CYP2S1: variants seen among roughly 807,000 people sequenced by gnomAD.
CYP2S1 encodes cytochrome P450 family 2 subfamily S member 1, also known as cytochrome P450 2S1.
Under a neutral mutation model 43.5 loss-of-function variants are expected in CYP2S1, and 32 were observed. The ratio of observed to expected loss-of-function variants is 0.74; its 90% confidence interval spans 0.56 to 0.99. CYP2S1 has a LOEUF of 0.99. Among genes scored for constraint, CYP2S1 ranks in the 50% least tolerant of loss-of-function variants. CYP2S1 has a pLI of 0.00. For missense variants in CYP2S1, 575 were observed against 673.9 expected, an observed-to-expected ratio of 0.85 and a Z score of 1.62; for synonymous variants, 283 against 302.9, an observed-to-expected ratio of 0.93 and a Z score of 0.68.
rs531321060 is a variant in CYP2S1, at chr19:41,196,086, G to T, written c.343+1377G>T. 5.5e-4 allele frequency among the ~76,000 whole-genome samples: 84 copies of T among 152,140 alleles called. No individual in the cohort carries two copies. In the South Asian group the frequency reaches 7.7e-3, roughly 14 times the overall value. On this transcript the variant is annotated intron_variant, in intron 2 of 8. Transcript: ENST00000310054. ...AAACACAGGGCACAGGCATATGTAC[G>T]AGGGTAAAGAGGGAATCAGGGAAGG... is the stretch of plus-strand genomic sequence containing the variant.
chr19:41,193,319 C>T lies in CYP2S1; in HGVS notation c.55C>T (p.Leu19=). Residue 19 remains leucine, a synonymous_variant, in exon 1 of 9, where the codon CTG becomes TTG. Transcript: ENST00000310054. ...GCTGGCGCTGGCGCTGCTCCTGCTG[C>T]TGACGCTGGCGCTGTCCGGGACCAG... ...LLLALALLLL[L]TLALSGTRAR... 1.3e-6 allele frequency: 2 copies of T among 1,541,718 alleles called. No homozygotes were observed. Among genetic ancestry groups the T allele is most frequent in the Non-Finnish European group, 1.7e-6 (2 of 1,144,066 alleles).
chr19:41,198,942 G>A lies in CYP2S1; in HGVS notation c.834+54G>A. 1 of 1,557,664 alleles carries A rather than the reference G, an allele frequency of 6.4e-7. No homozygotes were observed. Among genetic ancestry groups the A allele is most frequent in the South Asian group, 1.2e-5 (1 of 83,966 alleles). On this transcript the variant is annotated intron_variant, in intron 5 of 8. Transcript: ENST00000310054. The surrounding 1 kb of genome is among the most constrained non-coding windows in gnomAD (Gnocchi z 4.9). ...CTGAATGGGCGTGGTGACCTGGCAG[G>A]TCCCCAGCCAGGTGTCCCTGGGGAC...
intron 1 of CYP2S1, among the ~76,000 whole-genome samples, chr19:41,193,986 T>C (rs1487082470): frequency 6.6e-6 from 1 of 151,900 alleles, no homozygotes; most frequent in Non-Finnish European, 1.5e-5. Context: ...TGGGAGTTCC[T>C]GGGACTGGGG....
Position 41,199,548 on chromosome 19 carries a change from AT to A in CYP2S1, c.834+672del, listed in dbSNP as rs557331377. On this transcript the variant is annotated intron_variant, in intron 5 of 8. Transcript: ENST00000310054. ...GGTGTGCACCACCACACCTGGCTAAATTTTTTTTTTTTCTTTGTAGAGATAG... is the reference window on the plus strand; with the variant it reads ...GGTGTGCACCACCACACCTGGCTAAATTTTTTTTTTTCTTTGTAGAGATAG... Among the ~76,000 whole-genome samples, 356 of 146,718 alleles carry A rather than the reference AT, an allele frequency of 2.4e-3. 1 individual carries two copies. The highest frequency in any genetic ancestry group is 7.5e-3 in the African/African-American group (299 of 40,102).
chr19:41,193,607 G>A, intron 1 of CYP2S1, 166 bp downstream of exon 1: 9 of 1,295,308 alleles, frequency 6.9e-6, no homozygotes, highest in Non-Finnish European at 8.8e-6. Flanking sequence ...GGAGCAGGTT[G>A]TCCAGGGCTG....
Position 41,197,802 on chromosome 19 carries a change from C to T in CYP2S1, c.367C>T (p.Arg123Trp), listed in dbSNP as rs752402676. 9.3e-6 allele frequency: 15 copies of T among 1,613,868 alleles called. No homozygotes were observed. The Middle Eastern group carries it at 4.9e-4, about 53-fold the overall frequency. ...AGGGGTTTTCTTCTCCAACGGGGAG[C>T]GGTGGAGGCAGCTGAGGAAGTTTAC... ...GHGVFFSNGE[R>W]WRQLRKFTML... The change falls in exon 3 of 9, where the codon CGG (arginine) becomes TGG (tryptophan). Residue 123 changes from arginine (R) to tryptophan (W), a missense_variant. Transcript: ENST00000310054.
intron 5 of CYP2S1, among the ~76,000 whole-genome samples, chr19:41,200,944 G>C (rs1009891233): frequency 6.6e-6 from 1 of 152,052 alleles, no homozygotes; most frequent in Non-Finnish European, 1.5e-5. Context: ...CAGGCATGGT[G>C]GTGCGCACCT....
rs202041018 is a variant in CYP2S1, at chr19:41,193,277, G to C, written c.13G>C (p.Gly5Arg). 6.5e-7 allele frequency: 1 copy of C among 1,540,428 alleles called. No individual in the cohort carries two copies. The highest frequency in any genetic ancestry group is 1.2e-5 in the South Asian group (1 of 84,198). MEAT[G>R]TWALLLALAL... The stretch of plus-strand genomic sequence containing the variant: ...CCGACCTGCCGAGATGGAGGCGACC[G>C]GCACCTGGGCGCTGCTGCTGGCGCT... Residue 5 changes from glycine to arginine, a missense_variant, in exon 1 of 9, where the codon GGC becomes CGC. By Grantham distance (125) the Gly-to-Arg change is moderately radical. This residue lies in a region of CYP2S1 where 353 missense variants were observed against 367.6 expected (regional missense o/e 0.96). Coordinates refer to ENST00000310054, the MANE Select transcript of CYP2S1 (RefSeq NM_030622.8).
intron 2 of CYP2S1, among the ~76,000 whole-genome samples, chr19:41,196,540 G>A (rs1249499120): frequency 6.6e-6 from 1 of 152,114 alleles, no homozygotes; most frequent in East Asian, 1.9e-4. Context: ...GACCAGGGCT[G>A]GGGCCAGGGG....
rs542005816 is a variant in CYP2S1 at position 41,203,538 on chromosome 19, G to T, written c.1065G>T (p.Ala355=). The part of the protein sequence containing the change: ...GDRTRLPYTD[A]VLHEAQRLLA... ...GTACCCGCCTCCCTTACACCGACGC[G>T]GTTCTGCATGAGGCGCAGCGGCTGC... The change falls in exon 7 of 9, where the codon GCG becomes GCT. Residue 355 remains alanine (A), a synonymous_variant. Transcript: ENST00000310054. 3 of 1,597,738 alleles carry T rather than the reference G, an allele frequency of 1.9e-6. No homozygotes were observed. Among genetic ancestry groups the T allele is most frequent in the African/African-American group, 1.3e-5 (1 of 74,540 alleles).
At chr19:41,194,787 T>C in intron 2 of CYP2S1, 78 bp downstream of exon 2, 1 of 1,535,584 alleles carries the variant, frequency 6.5e-7, no homozygotes, top group Non-Finnish European at 8.7e-7. Flanking sequence ...CATGGCTTAG[T>C]CCCTCTGTTG....
chr19:41,198,932 G>A lies in CYP2S1; in HGVS notation c.834+44G>A, dbSNP rs764559231. The A allele has an allele frequency of 6.4e-7, 1 of 1,567,316 alleles. No individual in the cohort carries two copies. The highest frequency in any genetic ancestry group is 8.7e-7 in the Non-Finnish European group (1 of 1,152,502). On this transcript the variant is annotated intron_variant, in intron 5 of 8. Transcript: ENST00000310054. This position sits in a 1 kb window ranked among gnomAD's most constrained non-coding sequence, Gnocchi z 4.9. Reference sequence around the variant, plus strand: ...GACCCCCTCTCTGAATGGGCGTGGTGACCTGGCAGGTCCCCAGCCAGGTGT... The same window carrying A: ...GACCCCCTCTCTGAATGGGCGTGGTAACCTGGCAGGTCCCCAGCCAGGTGT...
Position 41,194,540 on chromosome 19 carries a change from C to A in CYP2S1, c.178-4C>A, listed in dbSNP as rs2033385009. On this transcript the variant is annotated splice_polypyrimidine_tract_variant and splice_region_variant and intron_variant, in intron 1 of 8. Transcript: ENST00000310054. ...CCCTCCTCTTTCTTCCTCCCTACCC[C>A]CAGCTGAGTAAGAAGTACGGACCGG... 3 of 1,575,746 alleles carry A rather than the reference C, an allele frequency of 1.9e-6. No homozygotes were observed. The highest frequency in any genetic ancestry group is 1.4e-5 in the African/African-American group (1 of 72,788).
chr19:41,201,263 C>G lies in CYP2S1; in HGVS notation c.867C>G (p.Asn289Lys). Residue 289 changes from asparagine (N) to lysine (K), a missense_variant, in exon 6 of 9, where the codon AAC (asparagine) becomes AAG (lysine). Physicochemically the swap from Asn to Lys is moderately conservative, Grantham distance 94. Coordinates refer to ENST00000310054, the MANE Select transcript of CYP2S1 (RefSeq NM_030622.8). The part of the protein sequence containing the change: ...EEQNPGTEFT[N>K]KNMLMTVIYL... ...AAAACCCAGGCACAGAATTCACCAACAAGAACATGCTGATGACAGTCATTT... is the reference window on the plus strand; with the variant it reads ...AAAACCCAGGCACAGAATTCACCAAGAAGAACATGCTGATGACAGTCATTT... The G allele has an allele frequency of 6.2e-7, 1 of 1,614,164 alleles. No individual in the cohort carries two copies. Among genetic ancestry groups the G allele is most frequent in the Non-Finnish European group, 8.5e-7 (1 of 1,180,014 alleles).
rs191238318 is a variant in CYP2S1 at position 41,197,876 on chromosome 19, G to A, written c.441G>A (p.Glu147=). The A allele has an allele frequency of 1.0e-4, 166 of 1,614,096 alleles. No individual in the cohort carries two copies. The East Asian group carries it at 3.7e-3, about 36-fold the overall frequency. Residue 147 remains glutamate (E), a synonymous_variant, in exon 3 of 9, where the codon GAG becomes GAA. Coordinates refer to ENST00000310054, the MANE Select transcript of CYP2S1 (RefSeq NM_030622.8). ...DLGMGKREGE[E]LIQAEARCLV... is the part of the protein sequence containing the mutation. ...GCATGGGGAAGCGAGAAGGCGAGGA[G>A]CTGATCCAGGCGGAGGCCCGGTGTC...
intron 5 of CYP2S1, among the ~76,000 whole-genome samples, chr19:41,200,573 C>T (rs1396179191): frequency 6.6e-6 from 1 of 152,090 alleles, no homozygotes; most frequent in Non-Finnish European, 1.5e-5. Flanking sequence ...GGAGTTTCAT[C>T]GTGTTAGCCA....
intron 3 of CYP2S1, 61 bp downstream of exon 3, chr19:41,197,989 G>A (rs563833359): frequency 7.2e-6 from 11 of 1,524,630 alleles, no homozygotes; most frequent in African/African-American, 6.9e-5. Flanking sequence ...CTCTCCTACT[G>A]TGGCTGGGGG....
At chr19:41,204,064 T>A (rs968269839) in intron 7 of CYP2S1, among the ~76,000 whole-genome samples, 10 of 152,138 alleles carry the variant, frequency 6.6e-5, no homozygotes, top group Non-Finnish European at 1.5e-4. Context: ...GGTTTCATTA[T>A]GTTGGTCAGG....
At chr19:41,193,846 A>C in intron 1 of CYP2S1, 2 of 163,882 alleles carry the variant, frequency 1.2e-5, no homozygotes, top group Non-Finnish European at 2.6e-5. Flanking sequence ...CAAAGAAGAA[A>C]AGGGGGAGGC....
Sources: gnomAD v4.1 joint callset for allele counts (sites outside exome capture counted in the v4.1 genomes callset) on GRCh38, gnomAD v4.1.1 for gene constraint, gnomAD v4.1.1 regional missense constraint, Gnocchi (gnomAD v3.1) non-coding constraint, MANE v1.5 for transcripts, NCBI Gene and HGNC (gene_info 2026-07-23, HGNC 2026-07-21) for gene names.